Variants in CAMTA1 observed in about 807,000 individuals in gnomAD.
CAMTA1 encodes calmodulin binding transcription activator 1, also known as calmodulin-binding transcription activator 1.
A neutral mutation model predicts 170.9 loss-of-function variants in CAMTA1; 27 were observed. The observed-to-expected ratio is 0.16, with a 90% CI of 0.12 to 0.22. The LOEUF is 0.22. Among genes scored for constraint, CAMTA1 ranks in the 10% least tolerant of loss-of-function variants. CAMTA1 has a pLI of 1.00. For missense variants in CAMTA1, 1,619 were observed against 2,217.2 expected, an observed-to-expected ratio of 0.73 and a Z score of 5.42; for synonymous variants, 833 against 891.5, an observed-to-expected ratio of 0.93 and a Z score of 1.17.
At chr1:7,686,637 C>T (rs2096260905) in intron 11 of CAMTA1, among the ~76,000 whole-genome samples, 1 of 152,146 alleles carries the variant, frequency 6.6e-6, no homozygotes, top group Non-Finnish European at 1.5e-5. Flanking sequence ...CGTTGCCACA[C>T]ACAGGTGTAT....
intron 3 of CAMTA1, among the ~76,000 whole-genome samples, chr1:6,906,316 G>A (rs1678464617): frequency 6.6e-6 from 1 of 152,136 alleles, no homozygotes; most frequent in African/African-American, 2.4e-5. Context: ...CCAATACTGA[G>A]CCCAGTGCAT....
intron 5 of CAMTA1, among the ~76,000 whole-genome samples, chr1:7,316,530 T>C (rs1677528392): frequency 6.6e-6 from 1 of 152,198 alleles, no homozygotes; most frequent in Non-Finnish European, 1.5e-5. Flanking sequence ...CTGTTGCTGA[T>C]GTTATTGTTG....
chr1:6,786,325 C>T (rs1275893382), intron 1 of CAMTA1, among the ~76,000 whole-genome samples: 1 of 152,108 alleles, frequency 6.6e-6, no homozygotes, highest in African/African-American at 2.4e-5. Context: ...CTACTCTTGC[C>T]CTTGCACCCT....
chr1:7,124,776 T>G (rs1558134904), intron 4 of CAMTA1, among the ~76,000 whole-genome samples: 1 of 152,244 alleles, frequency 6.6e-6, no homozygotes, highest in East Asian at 1.9e-4. Flanking sequence ...ATGGGACGAA[T>G]GAACTTGTTA....
intron 11 of CAMTA1, among the ~76,000 whole-genome samples, chr1:7,692,776 G>A (rs1224369880): frequency 6.6e-6 from 1 of 152,182 alleles, no homozygotes; most frequent in Non-Finnish European, 1.5e-5. Context: ...GCGTTGATAG[G>A]TGGCAGCCCG....
intron 5 of CAMTA1, among the ~76,000 whole-genome samples, chr1:7,422,840 G>A (rs2091651819): frequency 6.6e-6 from 1 of 152,218 alleles, no homozygotes; most frequent in Non-Finnish European, 1.5e-5. Flanking sequence ...ACCAAGTGGA[G>A]GGCATGCTTT....
At chr1:7,475,664 C>T (rs922351369) in intron 6 of CAMTA1, among the ~76,000 whole-genome samples, 11 of 152,244 alleles carry the variant, frequency 7.2e-5, no homozygotes, top group African/African-American at 2.2e-4. Context: ...CAGCCCTGGC[C>T]GTGCGTGACG....
At chr1:6,851,010 C>G (rs914562945) in intron 3 of CAMTA1, among the ~76,000 whole-genome samples, 1 of 152,172 alleles carries the variant, frequency 6.6e-6, no homozygotes, top group Admixed American at 6.6e-5. Flanking sequence ...TAACATCACT[C>G]AGAACCTCAG....
At chr1:7,483,107 G>A (rs1164249788) in intron 6 of CAMTA1, among the ~76,000 whole-genome samples, 1 of 152,330 alleles carries the variant, frequency 6.6e-6, no homozygotes, top group African/African-American at 2.4e-5. Context: ...CCAGCAGCCC[G>A]AGGTCAAGGG....
chr1:7,766,886 G>C lies in CAMTA1; in HGVS notation c.*395G>C, dbSNP rs1460959792. ...TACAAATATTTATACCAAAAATATA[G>C]ATAAGAAAAGGTGGGGCTATACTAG... On this transcript the variant is annotated 3_prime_UTR_variant, in exon 23 of 23. Coordinates refer to ENST00000303635, the MANE Select transcript of CAMTA1 (RefSeq NM_015215.4). 6.0e-6 allele frequency: 1 copy of C among 166,406 alleles called. No individual in the cohort carries two copies. The highest frequency in any genetic ancestry group is 1.3e-5 in the Non-Finnish European group (1 of 77,244). 10.3% of individuals were successfully genotyped at this position (166,406 alleles called of 1,614,324 possible).
At chr1:6,837,156 C>A (rs1653590577) in intron 3 of CAMTA1, among the ~76,000 whole-genome samples, 1 of 152,114 alleles carries the variant, frequency 6.6e-6, no homozygotes, top group African/African-American at 2.4e-5. Context: ...TGGGGTTTCA[C>A]TGTGTTAGCC....
At position 7,501,619 on chromosome 1, in the gene CAMTA1, T is replaced by G. The variant is rs186809954; in HGVS notation, c.510+33718T>G. 1.1e-4 allele frequency among the ~76,000 whole-genome samples: 3 copies of G among 27,692 alleles called. No homozygotes were observed. The East Asian group carries it at 1.2e-3, about 11-fold the overall frequency. The allele number at this position is 27,692 out of a possible 152,430, so 18.2% of individuals were successfully genotyped here. A position where few individuals can be genotyped will look rare whatever the true frequency, so the allele number is the denominator to read the frequency against. Reference sequence around the variant, plus strand: ...CTTTTGAAATTCGGATAAACAACAGTTTTTTTTTTATTTTAGTCTAGGTAT... The same window carrying G: ...CTTTTGAAATTCGGATAAACAACAGGTTTTTTTTTATTTTAGTCTAGGTAT... On this transcript the variant is annotated intron_variant, in intron 6 of 22. Transcript: ENST00000303635.
At chr1:7,689,255 G>T in intron 11 of CAMTA1, among the ~76,000 whole-genome samples, 1 of 112,546 alleles carries the variant, frequency 8.9e-6, no homozygotes, top group African/African-American at 3.6e-5. Flanking sequence ...TGACAAAAGT[G>T]AAACTCCTTC....
intron 11 of CAMTA1, among the ~76,000 whole-genome samples, chr1:7,716,647 G>A (rs1449639944): frequency 1.3e-5 from 2 of 152,126 alleles, no homozygotes; most frequent in Non-Finnish European, 2.9e-5. Context: ...AGTTAGCACC[G>A]TCTGTGCAGA....
intron 5 of CAMTA1, among the ~76,000 whole-genome samples, chr1:7,288,948 G>C (rs913074653): frequency 5.3e-5 from 8 of 152,162 alleles, no homozygotes; most frequent in Non-Finnish European, 7.3e-5. Flanking sequence ...TTGGCTCCTG[G>C]TTCCACAGGC....
chr1:7,090,517 C>T (rs2071918), intron 3 of CAMTA1, among the ~76,000 whole-genome samples: 22,645 of 152,154 alleles, frequency 0.15, 1,805 homozygotes, highest in East Asian at 0.25. Flanking sequence ...CAGATCCTTT[C>T]GGAGGTGGAA....
At chr1:6,893,216 G>A (rs1347978332) in intron 3 of CAMTA1, among the ~76,000 whole-genome samples, 1 of 152,032 alleles carries the variant, frequency 6.6e-6, no homozygotes, top group Non-Finnish European at 1.5e-5. Context: ...AGCCGAGATC[G>A]CGTCATTGCA....
intron 6 of CAMTA1, among the ~76,000 whole-genome samples, chr1:7,494,490 C>T (rs2093793705): frequency 1.3e-5 from 2 of 151,972 alleles, no homozygotes; most frequent in Admixed American, 1.3e-4. Flanking sequence ...CTGCTGGGGT[C>T]TGGGGGATGC....
At chr1:7,613,861 A>G (rs1003651675) in intron 6 of CAMTA1, among the ~76,000 whole-genome samples, 11 of 143,564 alleles carry the variant, frequency 7.7e-5, no homozygotes, top group African/African-American at 2.9e-4. Flanking sequence ...GGAGGGGCAG[A>G]TGGGAGGAGA....
Sources: allele counts gnomAD v4.1 joint callset (sites outside exome capture counted in the v4.1 genomes callset), GRCh38; gene constraint gnomAD v4.1.1; transcripts MANE v1.5; gene names NCBI Gene and HGNC (gene_info 2026-07-23, HGNC 2026-07-21).